Variants in CLASP1 observed in about 807,000 individuals in gnomAD.
The protein encoded by CLASP1 is cytoplasmic linker associated protein 1.
A neutral mutation model predicts 192.3 loss-of-function variants in CLASP1; 38 were observed. The ratio of observed to expected loss-of-function variants is 0.20; its 90% CI spans 0.15 to 0.26. The LOEUF (loss-of-function observed/expected upper bound fraction) is 0.26. Ranked by LOEUF, CLASP1 falls within the 10% of genes least tolerant of loss-of-function variation. CLASP1 has a pLI of 1.00. For synonymous variants in CLASP1, 691 were observed against 712.8 expected (o/e 0.97, Z 0.49); for missense variants, 1,433 against 1,932.5 (o/e 0.74, Z 4.85).
At chr2:121,499,914 C>T (rs1433336232) in intron 8 of CLASP1, among the ~76,000 whole-genome samples, 1 of 152,054 alleles carries the variant, frequency 6.6e-6, no homozygotes, top group African/African-American at 2.4e-5. Flanking sequence ...TACTTAGCAC[C>T]TAGGATAGGA....
At chr2:121,472,712 C>G (rs2090971467) in intron 8 of CLASP1, among the ~76,000 whole-genome samples, 1 of 152,098 alleles carries the variant, frequency 6.6e-6, no homozygotes, top group East Asian at 1.9e-4. Flanking sequence ...TTCCAGGAAG[C>G]AAGGCAGAAA....
At chr2:121,358,121 A>G (rs1176913098) in intron 37 of CLASP1, among the ~76,000 whole-genome samples, 3 of 152,216 alleles carry the variant, frequency 2.0e-5, no homozygotes, top group Non-Finnish European at 4.4e-5. Flanking sequence ...TGGCTCAGTA[A>G]CTTGGAATCT....
At chr2:121,625,624 G>A (rs1031268625) in intron 1 of CLASP1, among the ~76,000 whole-genome samples, 3 of 151,524 alleles carry the variant, frequency 2.0e-5, no homozygotes, top group Non-Finnish European at 4.4e-5. Flanking sequence ...TAGAAGAGAC[G>A]GGTTTCACCA....
Position 121,448,825 on chromosome 2 carries a change from T to TC in CLASP1, c.1691+127dup, listed in dbSNP as rs1216556458. 5.7e-6 allele frequency: 5 copies of TC among 877,374 alleles called. No individual in the cohort carries two copies. The African/African-American group carries it at 6.8e-5, about 12-fold the overall frequency. The allele number at this position is 877,374 out of a possible 1,614,324, so 54.3% of individuals were successfully genotyped here. ...GGTGGTATCTTACTTTGCACCAGGA[T>TC]CTACCTCAAGTAAGGGGGCGTTTTA... On this transcript the variant is annotated intron_variant, in intron 17 of 39. Transcript: ENST00000263710.
In CLASP1 at chr2:121,365,354, C is replaced by T. The variant is rs539249923; in HGVS notation, c.3887-70G>A. On this transcript the variant is annotated intron_variant, in intron 35 of 39. Coordinates refer to ENST00000263710, the Ensembl canonical transcript of CLASP1. ...CAGCACAGGGGCTTGCTCAGTGGTG[C>T]GCAGTGATCCTTCCCTTCCTGCCTC... 1.1e-5 allele frequency: 15 copies of T among 1,378,822 alleles called. No homozygotes were observed. In the East Asian group the frequency reaches 2.0e-4, roughly 18 times the overall value. 85.4% of individuals were successfully genotyped at this position (1,378,822 alleles called of 1,614,324 possible). A position where few individuals can be genotyped will look rare whatever the true frequency, so the allele number is the denominator to read the frequency against.
Position 121,357,372 on chromosome 2 carries a change from G to C in CLASP1, c.4206+5800C>G, listed in dbSNP as rs142503714. Among the ~76,000 whole-genome samples the C allele has an allele frequency of 2.1e-3, 320 of 152,150 alleles. 2 individuals are homozygous for C. Among genetic ancestry groups the C allele is most frequent in the African/African-American group, 7.1e-3 (293 of 41,520 alleles). On this transcript the variant is annotated intron_variant, in intron 37 of 39. Transcript: ENST00000263710. ...CAATGTCAACCACCTTACCTCACTTGACTTTAATGCTAGCCTCTCAGCGCA... is the reference window on the plus strand; with the variant it reads ...CAATGTCAACCACCTTACCTCACTTCACTTTAATGCTAGCCTCTCAGCGCA...
At chr2:121,572,497 G>A (rs1475639657) in intron 2 of CLASP1, among the ~76,000 whole-genome samples, 2 of 152,126 alleles carry the variant, frequency 1.3e-5, no homozygotes, top group Non-Finnish European at 2.9e-5. Context: ...ATTCTTAAGG[G>A]TGGGGGGGAC....
At chr2:121,470,567 T>C in intron 8 of CLASP1, 2 of 404,218 alleles carry the variant, frequency 4.9e-6, no homozygotes, top group Non-Finnish European at 4.8e-6. Flanking sequence ...ATGGTACAAG[T>C]GAAACACTCT....
chr2:121,387,354 T>TC, intron 31 of CLASP1, 126 bp from the exon 33 acceptor site: 1 of 673,768 alleles, frequency 1.5e-6, no homozygotes, highest in East Asian at 3.0e-5. Context: ...GTTTTTTTTT[T>TC]CCCTTAGAAT....
intron 1 of CLASP1, among the ~76,000 whole-genome samples, chr2:121,608,543 C>CGG (rs2064761273): frequency 6.6e-6 from 1 of 152,172 alleles, no homozygotes; most frequent in East Asian, 1.9e-4. Flanking sequence ...ATGCTCTGAC[C>CGG]AACAGCCAGC....
rs371844669 is a variant in CLASP1, at chr2:121,367,712, G to A, written c.3762C>T (p.Arg1254=). Residue 1254 remains arginine (R), a synonymous_variant, in exon 35 of 40, where the codon CGC becomes CGT. Transcript: ENST00000263710. ...CTCGCGCCCGCGGCCCCGGGAAGGC[G>A]CGCGGAGGCTGGGTGTTGAGTAGTG... 91 of 1,614,008 alleles carry A rather than the reference G, an allele frequency of 5.6e-5. No homozygotes were observed. In the African/African-American group the frequency reaches 8.8e-4, roughly 16 times the overall value.
intron 2 of CLASP1, chr2:121,530,753 G>C (rs1413796469): frequency 3.8e-6 from 2 of 526,602 alleles, no homozygotes; most frequent in Non-Finnish European, 6.9e-6. Context: ...TTGGGGTGTC[G>C]TCGAAAGCTG....
intron 23 of CLASP1, among the ~76,000 whole-genome samples, chr2:121,414,992 C>G (rs2078323388): frequency 6.6e-6 from 1 of 152,070 alleles, no homozygotes; most frequent in Non-Finnish European, 1.5e-5. Flanking sequence ...TGTTGCCTGG[C>G]TGGTCTCAAA....
At chr2:121,642,384 A>G (rs548516117) in intron 1 of CLASP1, among the ~76,000 whole-genome samples, 1 of 149,742 alleles carries the variant, frequency 6.7e-6, no homozygotes, top group South Asian at 2.1e-4. Flanking sequence ...TGGGTGACAG[A>G]GCAGGTATCT....
chr2:121,596,250 G>C (rs1283526198), intron 2 of CLASP1, among the ~76,000 whole-genome samples: 1 of 152,148 alleles, frequency 6.6e-6, no homozygotes, highest in Non-Finnish European at 1.5e-5. Context: ...ACTTATGACA[G>C]AGGCACCTGT....
chr2:121,574,284 T>G (rs1450406370), intron 2 of CLASP1, among the ~76,000 whole-genome samples: 1 of 149,098 alleles, frequency 6.7e-6, no homozygotes, highest in Non-Finnish European at 1.5e-5. Context: ...GCTGAGATTG[T>G]GCCACTGCAC....
At chr2:121,442,905 G>A (rs1354062320) in intron 19 of CLASP1, among the ~76,000 whole-genome samples, 1 of 152,084 alleles carries the variant, frequency 6.6e-6, no homozygotes, top group Non-Finnish European at 1.5e-5. Flanking sequence ...AAAAATGCAG[G>A]TGGAAAACTC....
intron 2 of CLASP1, among the ~76,000 whole-genome samples, chr2:121,561,956 C>T (rs2059125292): frequency 6.6e-6 from 1 of 152,186 alleles, no homozygotes; most frequent in South Asian, 2.1e-4. Flanking sequence ...GGGAATCTGG[C>T]AATTTACAAG....
chr2:121,475,266 T>C (rs1195555607), intron 8 of CLASP1, among the ~76,000 whole-genome samples: 1 of 152,230 alleles, frequency 6.6e-6, no homozygotes, highest in Non-Finnish European at 1.5e-5. Flanking sequence ...TTTTGGAGGA[T>C]AAAAACCAAC....
Sources: gnomAD v4.1 joint callset for allele counts (sites outside exome capture counted in the v4.1 genomes callset) on GRCh38, gnomAD v4.1.1 for gene constraint, MANE v1.5 for transcripts, NCBI Gene and HGNC (gene_info 2026-07-23, HGNC 2026-07-21) for gene names.